Variants in UTP20 observed in about 807,000 individuals in gnomAD.
UTP20 encodes small subunit processome component 20 homolog.
In UTP20, 164 loss-of-function variants were observed where a neutral mutation model predicts 329.5. The observed-to-expected ratio is 0.50, with a 90% CI of 0.44 to 0.57. The LOEUF (loss-of-function observed/expected upper bound fraction) is 0.57, where lower values mean the gene tolerates loss of function less well. Ranked by LOEUF, UTP20 falls within the 20% of genes least tolerant of loss-of-function variation. The probability of loss-of-function intolerance (pLI) is 0.00; values close to 1 mark genes in which losing one functional copy is unlikely to be tolerated. For synonymous variants in UTP20, 1,151 were observed against 1,159.3 expected, an observed-to-expected ratio of 0.99 and a Z score of 0.14; for missense variants, 3,055 against 3,284.2, an observed-to-expected ratio of 0.93 and a Z score of 1.71.
intron 2 of UTP20, among the ~76,000 whole-genome samples, chr12:101,285,055 G>A (rs1042488175): frequency 1.3e-5 from 2 of 151,852 alleles, no homozygotes; most frequent in East Asian, 1.9e-4. Flanking sequence ...TCCTATTGTC[G>A]GATATTTTAG....
Position 101,374,837 on chromosome 12 carries a change from C to A in UTP20, c.7161C>A (p.Ile2387=). ...TAAATAGACAACTTGCTGCCCTGATCTGTGGCTTGTTTGTGGAAAGTGAAG... is the reference window on the plus strand; with the variant it reads ...TAAATAGACAACTTGCTGCCCTGATATGTGGCTTGTTTGTGGAAAGTGAAG... The part of the protein sequence containing the change: ...KRLNRQLAAL[I]CGLFVESEGV... Residue 2387 remains isoleucine (I), a synonymous_variant, in exon 55 of 62, where the codon ATC becomes ATA. Transcript: ENST00000261637. 7.9e-7 allele frequency: 1 copy of A among 1,268,478 alleles called. No individual in the cohort carries two copies. The highest frequency in any genetic ancestry group is 1.2e-6 in the Non-Finnish European group (1 of 864,006). 78.6% of individuals were successfully genotyped at this position (1,268,478 alleles called of 1,614,324 possible).
At chr12:101,340,469 T>C in intron 31 of UTP20, 54 bp from the exon 32 acceptor site, 1 of 1,148,884 alleles carries the variant, frequency 8.7e-7, no homozygotes, top group East Asian at 2.4e-5. Flanking sequence ...GTTTAACTTC[T>C]TAGAGAAATA....
chr12:101,361,631 AT>A (rs1869922015), intron 43 of UTP20, among the ~76,000 whole-genome samples: 1 of 21,032 alleles, frequency 4.8e-5, no homozygotes, highest in Non-Finnish European at 7.3e-5. Context: ...TGTCTCAAAA[AT>A]AAATAAATAA....
chr12:101,378,137 G>A (rs182764861), intron 56 of UTP20, among the ~76,000 whole-genome samples: 1 of 152,350 alleles, frequency 6.6e-6, no homozygotes, highest in African/African-American at 2.4e-5. Context: ...TTGAAGGTCA[G>A]ATCAAGCTAG....
At chr12:101,292,280 A>C (rs1872183948) in intron 10 of UTP20, among the ~76,000 whole-genome samples, 176 bp downstream of exon 10, 1 of 152,188 alleles carries the variant, frequency 6.6e-6, no homozygotes, top group Admixed American at 6.5e-5. Flanking sequence ...AAGTGTGATA[A>C]AAGCTTAATT....
At chr12:101,382,363 A>G (rs1023918788) in intron 58 of UTP20, among the ~76,000 whole-genome samples, 6 of 151,802 alleles carry the variant, frequency 4.0e-5, no homozygotes, top group Non-Finnish European at 8.8e-5. Flanking sequence ...GCACCACTGC[A>G]CTCCAGCCTG....
intron 26 of UTP20, among the ~76,000 whole-genome samples, chr12:101,327,986 C>T (rs1010109669): frequency 1.3e-5 from 2 of 152,174 alleles, no homozygotes; most frequent in African/African-American, 4.8e-5. Context: ...TTTCACCCAT[C>T]GTAACTCAGA....
rs762256548 is a variant in UTP20 at position 101,386,044 on chromosome 12, A to AGAT, written c.8280_8282dup (p.Lys2760_Ile2761insMet). On this transcript the variant is annotated inframe_insertion, in exon 62 of 62. Coordinates refer to ENST00000261637, the MANE Select transcript of UTP20 (RefSeq NM_014503.3). ...AATAAAAGTGAAGCAAAGAAGAGAAAGATAGAGTTCCTGCGTCCAGGATAT... is the reference window on the plus strand; with the variant it reads ...AATAAAAGTGAAGCAAAGAAGAGAAAGATGATAGAGTTCCTGCGTCCAGGATAT... The AGAT allele has an allele frequency of 1.2e-6, 2 of 1,610,042 alleles. No homozygotes were observed. The highest frequency in any genetic ancestry group is 1.7e-6 in the Non-Finnish European group (2 of 1,179,298).
chr12:101,302,468 C>A lies in UTP20; in HGVS notation c.1696C>A (p.Gln566Lys). The A allele has an allele frequency of 1.9e-6, 3 of 1,606,968 alleles. No homozygotes were observed. The highest frequency in any genetic ancestry group is 2.3e-5 in the South Asian group (2 of 88,502). ...FGKGNLFVLC[Q>K]AVNTLLSLEE... ...CTTAGGAAACTTATTTGTTCTTTGTCAAGCTGTAAATACTCTACTAAGTTT... is the reference window on the plus strand; with the variant it reads ...CTTAGGAAACTTATTTGTTCTTTGTAAAGCTGTAAATACTCTACTAAGTTT... The change falls in exon 15 of 62, where the codon CAA (glutamine) becomes AAA (lysine). Residue 566 changes from glutamine (Q) to lysine (K), a missense_variant. By Grantham distance (53) the Gln-to-Lys change is moderately conservative. Transcript: ENST00000261637.
chr12:101,321,054 G>A (rs1394183831), intron 24 of UTP20, 117 bp downstream of exon 24: 30 of 862,924 alleles, frequency 3.5e-5, no homozygotes, highest in East Asian at 2.2e-4. Flanking sequence ...TTTTTTCTGA[G>A]GTCATCGTAT....
At position 101,375,748 on chromosome 12, in the gene UTP20, A is replaced by G; in HGVS notation, c.7388A>G (p.Lys2463Arg). Reference protein sequence around the residue: ...QFTKPAETLSKIWSHVHSHLR... With the variant: ...QFTKPAETLSRIWSHVHSHLR... ...ACCAAACCCGCTGAGACTTTGAGTAAAATCTGGAGTAAGTATTTCCTTTTT... is the reference window on the plus strand; with the variant it reads ...ACCAAACCCGCTGAGACTTTGAGTAGAATCTGGAGTAAGTATTTCCTTTTT... The change falls in exon 56 of 62, where the codon AAA (lysine) becomes AGA (arginine). Residue 2463 changes from lysine to arginine, a missense_variant. Lys to Arg is a conservative substitution (Grantham distance 26). Around this residue, in one of 3 missense-constraint regions of UTP20, gnomAD observed 273 missense variants for 363.1 expected, o/e 0.75. Transcript: ENST00000261637. The G allele has an allele frequency of 6.4e-7, 1 of 1,551,622 alleles. No homozygotes were observed. Among genetic ancestry groups the G allele is most frequent in the Admixed American group, 1.7e-5 (1 of 57,266 alleles).
intron 13 of UTP20, 45 bp downstream of exon 13, chr12:101,299,882 G>A (rs776261335): frequency 1.9e-6 from 3 of 1,602,828 alleles, no homozygotes; most frequent in Non-Finnish European, 2.6e-6. Context: ...ATAACATGCT[G>A]ATTAAAATAT....
intron 5 of UTP20, among the ~76,000 whole-genome samples, chr12:101,286,843 A>G (rs1271500490): frequency 6.6e-6 from 1 of 152,062 alleles, no homozygotes; most frequent in Non-Finnish European, 1.5e-5. Flanking sequence ...AACTTTTACC[A>G]GAATTGTTTG....
intron 15 of UTP20, among the ~76,000 whole-genome samples, chr12:101,305,567 A>G (rs1369001762): frequency 6.8e-6 from 1 of 147,612 alleles, no homozygotes; most frequent in Middle Eastern, 3.3e-3. Flanking sequence ...TATTAAATTT[A>G]ATATTTAATA....
Position 101,375,214 on chromosome 12 carries a change from C to A in UTP20, c.7263+275C>A, listed in dbSNP as rs530279420. On this transcript the variant is annotated intron_variant, in intron 55 of 61. Coordinates refer to ENST00000261637, the MANE Select transcript of UTP20 (RefSeq NM_014503.3). ...TTTTCAGGAGGCTGAGGCAGGAGGA[C>A]CGTGCCACTGTACTCCAGCCTGGCT... is the stretch of plus-strand genomic sequence containing the variant. Among the ~76,000 whole-genome samples, 15 of 152,030 alleles carry A rather than the reference C, an allele frequency of 9.9e-5. No individual in the cohort carries two copies. The East Asian group carries it at 2.9e-3, about 30-fold the overall frequency.
chr12:101,313,511 T>A (rs1872862396), intron 21 of UTP20, among the ~76,000 whole-genome samples: 1 of 152,110 alleles, frequency 6.6e-6, no homozygotes, highest in African/African-American at 2.4e-5. Flanking sequence ...GAGAATAGAC[T>A]GTAGAATGAC....
chr12:101,385,569 T>G lies in UTP20; in HGVS notation c.8057-14T>G. On this transcript the variant is annotated splice_polypyrimidine_tract_variant and intron_variant, in intron 60 of 61. Coordinates refer to ENST00000261637, the MANE Select transcript of UTP20 (RefSeq NM_014503.3). ...CCTACCTGTCTCTGATCATTACTCT[T>G]TGTGTGTGATTAGATCCTTTGCTGA... 4 of 1,605,258 alleles carry G rather than the reference T, an allele frequency of 2.5e-6. No individual in the cohort carries two copies. The highest frequency in any genetic ancestry group is 2.5e-6 in the Non-Finnish European group (3 of 1,178,238).
At chr12:101,310,595 A>AAAAAAAAAAAAAAAAAAAAAG (rs1330692306) in intron 19 of UTP20, among the ~76,000 whole-genome samples, 20 of 121,756 alleles carry the variant, frequency 1.6e-4, no homozygotes, top group Non-Finnish European at 1.8e-4. Context: ...AAAAAAAAAA[A>AAAAAAAAAAAAAAAAAAAAAG]AAATACATGT....
intron 51 of UTP20, among the ~76,000 whole-genome samples, chr12:101,371,523 CTTTTTTT>C (rs58024998): frequency 2.8e-4 from 18 of 65,390 alleles, no homozygotes; most frequent in African/African-American, 1.4e-3. Context: ...GGGCTTTGTT[CTTTTTTT>C]TTTTTTTTTT....
Sources: allele counts gnomAD v4.1 joint callset (sites outside exome capture counted in the v4.1 genomes callset), GRCh38; gene constraint gnomAD v4.1.1; regional missense constraint gnomAD v4.1.1; transcripts MANE v1.5; gene names NCBI Gene and HGNC (gene_info 2026-07-23, HGNC 2026-07-21).